The following EFL1 variants were observed in gnomAD, a reference collection of about 807,000 sequenced individuals.
EFL1 encodes elongation factor-like GTPase 1.
In EFL1, 76 loss-of-function variants were observed where a neutral mutation model predicts 126.7. The ratio of observed to expected loss-of-function variants is 0.60; its 90% CI spans 0.50 to 0.73. The LOEUF is 0.73. Ranked by LOEUF, EFL1 falls within the 30% of genes least tolerant of loss-of-function variation. The pLI is 0.00. For synonymous variants in EFL1, 410 were observed against 448.4 expected, an observed-to-expected ratio of 0.91 and a Z score of 1.08; for missense variants, 1,128 against 1,343.2, an observed-to-expected ratio of 0.84 and a Z score of 2.50.
Position 82,240,455 on chromosome 15 carries a change from T to C in EFL1, c.479A>G (p.Gln160Arg), listed in dbSNP as rs1377865852. The change falls in exon 6 of 20, where the codon CAA (glutamine) becomes CGA (arginine). Residue 160 changes from glutamine to arginine, a missense_variant. This residue lies in a region of EFL1 where 316 missense variants were observed against 318.5 expected (regional missense o/e 0.99). Transcript: ENST00000268206. ...ATTCTTGAGGTGAGAATAGGCCTCT[T>C]GTGGGGTGAATTTCAGTTCCACTAT... ...RLIVELKFTP[Q>R]EAYSHLKNIL... 6.2e-7 allele frequency: 1 copy of C among 1,612,936 alleles called. No homozygotes were observed. The highest frequency in any genetic ancestry group is 1.7e-5 in the Admixed American group (1 of 59,912).
At chr15:82,240,607 G>A (rs1255238003) in intron 5 of EFL1, 52 bp from the exon 6 acceptor site, 1 of 1,598,890 alleles carries the variant, frequency 6.3e-7, no homozygotes, top group Non-Finnish European at 8.5e-7. Context: ...AATAATTAGA[G>A]CACATTAGAA....
chr15:82,191,795 A>C (rs1027508521), intron 15 of EFL1, among the ~76,000 whole-genome samples: 1 of 152,152 alleles, frequency 6.6e-6, no homozygotes, highest in African/African-American at 2.4e-5. Flanking sequence ...ATCAAATCTG[A>C]AAGTAACTTT....
intron 15 of EFL1, among the ~76,000 whole-genome samples, chr15:82,180,364 A>AAC (rs2074237917): frequency 1.2e-5 from 1 of 85,204 alleles, no homozygotes. Context: ...ACTGGCAAAA[A>AAC]AAAAAAAACA....
At chr15:82,228,913 G>A (rs1013599512) in intron 9 of EFL1, 121 bp downstream of exon 9, 2 of 819,868 alleles carry the variant, frequency 2.4e-6, no homozygotes, top group Non-Finnish European at 3.8e-6. Flanking sequence ...CAACTCATCT[G>A]TAGAAGCTCT....
chr15:82,212,032 G>A (rs1009948574), intron 15 of EFL1, among the ~76,000 whole-genome samples: 1 of 152,116 alleles, frequency 6.6e-6, no homozygotes, highest in Non-Finnish European at 1.5e-5. Context: ...AAAATCCAGG[G>A]AAGATCTTCA....
chr15:82,150,242 T>C (rs1700605155), intron 18 of EFL1, among the ~76,000 whole-genome samples: 1 of 152,134 alleles, frequency 6.6e-6, no homozygotes, highest in African/African-American at 2.4e-5. Flanking sequence ...TAAATTTCTT[T>C]TGGGAAAAAA....
At chr15:82,249,837 G>T (rs180855079) in intron 4 of EFL1, among the ~76,000 whole-genome samples, 1 of 152,206 alleles carries the variant, frequency 6.6e-6, no homozygotes, top group African/African-American at 2.4e-5. Context: ...GTATGACCTT[G>T]ATGGTTTTCA....
intron 4 of EFL1, among the ~76,000 whole-genome samples, chr15:82,251,009 C>T (rs2075015954): frequency 6.6e-6 from 1 of 151,950 alleles, no homozygotes; most frequent in African/African-American, 2.4e-5. Context: ...GTCAGGAGTT[C>T]AAGACCAGCC....
At chr15:82,223,945 C>T (rs1447906601) in intron 12 of EFL1, among the ~76,000 whole-genome samples, 1 of 152,158 alleles carries the variant, frequency 6.6e-6, no homozygotes. Context: ...ATTGAATACA[C>T]TTAATGTCCA....
At chr15:82,170,629 G>A (rs2074126063) in intron 15 of EFL1, among the ~76,000 whole-genome samples, 1 of 150,756 alleles carries the variant, frequency 6.6e-6, no homozygotes, top group African/African-American at 2.5e-5. Context: ...GGTTCTAACA[G>A]TCAGAGTAGC....
In EFL1 at chr15:82,200,928, G is replaced by C. The variant is rs2074460974; in HGVS notation, c.1750+13789C>G. ...GACAGTGTTCCACTCTGTCACCCAG[G>C]CCAGGGTGCAGTGGCACGATCACAG... is the stretch of plus-strand genomic sequence containing the variant. On this transcript the variant is annotated intron_variant, in intron 15 of 19. Coordinates refer to ENST00000268206, the MANE Select transcript of EFL1 (RefSeq NM_024580.6). Among the ~76,000 whole-genome samples, 4 of 152,212 alleles carry C rather than the reference G, an allele frequency of 2.6e-5. 1 individual carries two copies. The South Asian group carries it at 8.3e-4, about 32-fold the overall frequency.
At chr15:82,245,014 T>C (rs1241501081) in intron 4 of EFL1, among the ~76,000 whole-genome samples, 1 of 152,146 alleles carries the variant, frequency 6.6e-6, no homozygotes, top group African/African-American at 2.4e-5. Context: ...AACAGAAATA[T>C]AGGCAGAACC....
intron 15 of EFL1, among the ~76,000 whole-genome samples, chr15:82,191,439 C>G (rs1230016014): frequency 6.6e-6 from 1 of 152,116 alleles, no homozygotes; most frequent in Non-Finnish European, 1.5e-5. Flanking sequence ...AAGCTAAAAG[C>G]AGACTGCACG....
intron 3 of EFL1, among the ~76,000 whole-genome samples, chr15:82,253,702 T>TA (rs918903193): frequency 6.6e-6 from 1 of 152,140 alleles, no homozygotes; most frequent in Non-Finnish European, 1.5e-5. Flanking sequence ...ACATCTTTTT[T>TA]AAAAAAAGAA....
At chr15:82,245,171 G>A (rs1394917329) in intron 4 of EFL1, among the ~76,000 whole-genome samples, 1 of 151,552 alleles carries the variant, frequency 6.6e-6, no homozygotes, top group Non-Finnish European at 1.5e-5. Flanking sequence ...GTTTTTTTTA[G>A]AGACAGGGTC....
intron 14 of EFL1, among the ~76,000 whole-genome samples, chr15:82,217,640 A>G (rs1389326075): frequency 6.6e-6 from 1 of 152,188 alleles, no homozygotes; most frequent in Non-Finnish European, 1.5e-5. Flanking sequence ...ACAGGTTGTA[A>G]AACTATAAAG....
intron 15 of EFL1, among the ~76,000 whole-genome samples, chr15:82,203,578 T>G (rs1289601524): frequency 6.6e-6 from 1 of 152,148 alleles, no homozygotes; most frequent in Non-Finnish European, 1.5e-5. Flanking sequence ...TTTCATCATG[T>G]TGGCCAGGCT....
intron 16 of EFL1, among the ~76,000 whole-genome samples, chr15:82,163,264 G>A (rs758717795): frequency 1.2e-4 from 18 of 152,274 alleles, no homozygotes; most frequent in East Asian, 9.6e-4. Context: ...AAATTTGGCC[G>A]GGCACTTTAG....
intron 7 of EFL1, among the ~76,000 whole-genome samples, chr15:82,232,040 A>G (rs1204272796): frequency 2.6e-5 from 4 of 152,180 alleles, no homozygotes; most frequent in African/African-American, 7.2e-5. Flanking sequence ...ATAAATACCC[A>G]GTTTTGCTAG....
Sources: gnomAD v4.1 joint callset for allele counts (sites outside exome capture counted in the v4.1 genomes callset) on GRCh38, gnomAD v4.1.1 for gene constraint, gnomAD v4.1.1 regional missense constraint, MANE v1.5 for transcripts, NCBI Gene and HGNC (gene_info 2026-07-23, HGNC 2026-07-21) for gene names.